HPRT1: variants seen among roughly 807,000 people sequenced by gnomAD.
The protein encoded by HPRT1 is hypoxanthine-guanine phosphoribosyltransferase.
A neutral mutation model predicts 19.0 loss-of-function variants in HPRT1; 4 were observed. The observed-to-expected ratio is 0.21, with a 90% confidence interval of 0.10 to 0.48. The LOEUF is 0.48. Among genes scored for constraint, HPRT1 ranks in the 20% least tolerant of loss-of-function variants. The probability of loss-of-function intolerance (pLI) is 0.98; values close to 1 mark genes in which losing one functional copy is unlikely to be tolerated. For missense variants in HPRT1, 65 were observed against 164.0 expected (o/e 0.40, Z 3.30); for synonymous variants, 53 against 54.9 (o/e 0.97, Z 0.15).
Position 134,493,502 on chromosome X carries a change from TG to T in HPRT1, c.403-5del, listed in dbSNP as rs752496213. ...TAAAGCTATGCAATGTCTTCTTTTT[TG>T]AAAGGATATAATTGACACTGGCAAA... On this transcript the variant is annotated splice_polypyrimidine_tract_variant and splice_region_variant and intron_variant, in intron 5 of 8. Transcript: ENST00000298556. 3 of 1,186,656 alleles carry T rather than the reference TG, an allele frequency of 2.5e-6. No homozygotes were observed. Among genetic ancestry groups the T allele is most frequent in the Non-Finnish European group, 3.4e-6 (3 of 872,743 alleles).
At chrX:134,472,324 A>T (rs1051134242) in intron 1 of HPRT1, among the ~76,000 whole-genome samples, 5 of 111,252 alleles carry the variant, frequency 4.5e-5, no homozygotes, top group African/African-American at 1.6e-4. Context: ...ACAGTGTGTT[A>T]AAACTTGTTT....
intron 1 of HPRT1, chrX:134,460,584 A>G (rs1350449145): frequency 4.5e-6 from 1 of 223,533 alleles, no homozygotes; most frequent in Non-Finnish European, 8.0e-6. Flanking sequence ...TGCGTGTGGG[A>G]AGAGAAGGTG....
chrX:134,489,839 G>A (rs1434965851), intron 4 of HPRT1, among the ~76,000 whole-genome samples: 1 of 111,707 alleles, frequency 9.0e-6, no homozygotes, highest in African/African-American at 3.3e-5. Context: ...AGAGTCAGGA[G>A]ACTATAAGAG....
At chrX:134,478,238 TAA>T (rs2077630702) in intron 3 of HPRT1, among the ~76,000 whole-genome samples, 1 of 111,954 alleles carries the variant, frequency 8.9e-6, no homozygotes, top group African/African-American at 3.2e-5. Flanking sequence ...CCAGAATATA[TAA>T]AGAAACATTA....
At chrX:134,469,239 G>A (rs2077604969) in intron 1 of HPRT1, among the ~76,000 whole-genome samples, 1 of 111,432 alleles carries the variant, frequency 9.0e-6, no homozygotes, top group Admixed American at 9.7e-5. Context: ...TTGTAACAAA[G>A]TTGTGAATTC....
intron 1 of HPRT1, among the ~76,000 whole-genome samples, chrX:134,469,246 A>T (rs1037971972): frequency 2.7e-5 from 3 of 111,696 alleles, no homozygotes; most frequent in African/African-American, 9.8e-5. Flanking sequence ...AAAGTTGTGA[A>T]TTCATACCTG....
intron 3 of HPRT1, 35 bp downstream of exon 3, chrX:134,475,399 C>A (rs1310580126): frequency 2.2e-6 from 2 of 914,504 alleles, no homozygotes; most frequent in Admixed American, 2.3e-5. Context: ...TTTTTAGTGG[C>A]AACAGTAGGT....
chrX:134,479,946 A>T (rs1049019232), intron 3 of HPRT1, among the ~76,000 whole-genome samples: 1 of 109,427 alleles, frequency 9.1e-6, no homozygotes, highest in South Asian at 3.8e-4. Flanking sequence ...ATTTTATTTT[A>T]TTTTTTTACC....
intron 1 of HPRT1, among the ~76,000 whole-genome samples, chrX:134,464,262 T>C (rs1197040083): frequency 8.9e-6 from 1 of 112,324 alleles, no homozygotes; most frequent in Non-Finnish European, 1.9e-5. Flanking sequence ...AAGACTGATA[T>C]GAAATTGGAA....
In HPRT1 at chrX:134,499,388, G is replaced by T. The variant is rs1247623512; in HGVS notation, c.610-642G>T. On this transcript the variant is annotated intron_variant, in intron 8 of 8. Coordinates refer to ENST00000298556, the MANE Select transcript of HPRT1 (RefSeq NM_000194.3). ...AGCTACCTGGGAGGCTGAGGCAGGAGAATCACTGGAACCCGGGAGGCAGAG... is the reference window on the plus strand; with the variant it reads ...AGCTACCTGGGAGGCTGAGGCAGGATAATCACTGGAACCCGGGAGGCAGAG... Among the ~76,000 whole-genome samples the T allele has an allele frequency of 8.1e-5, 9 of 111,536 alleles. No homozygotes were observed. The South Asian group carries it at 1.9e-3, about 23-fold the overall frequency.
intron 3 of HPRT1, among the ~76,000 whole-genome samples, chrX:134,479,395 G>A (rs766908415): frequency 1.9e-4 from 21 of 108,783 alleles, no homozygotes; most frequent in African/African-American, 6.7e-4. Context: ...TTGGCCCCCC[G>A]AGTAGCTGGG....
chrX:134,463,984 G>A (rs1360919368), intron 1 of HPRT1, among the ~76,000 whole-genome samples: 1 of 111,476 alleles, frequency 9.0e-6, no homozygotes, highest in African/African-American at 3.3e-5. Context: ...CTTCAGCATT[G>A]TGCTTCTGAT....
At chrX:134,490,994 C>T (rs1349557211) in intron 5 of HPRT1, among the ~76,000 whole-genome samples, 1 of 103,052 alleles carries the variant, frequency 9.7e-6, no homozygotes, top group African/African-American at 3.5e-5. Flanking sequence ...CTCTCTCTCT[C>T]TCTCTCTCTA....
chrX:134,467,828 C>T (rs781384508), intron 1 of HPRT1, among the ~76,000 whole-genome samples: 4 of 92,580 alleles, frequency 4.3e-5, no homozygotes, highest in African/African-American at 1.6e-4. Flanking sequence ...TTTTTTTAGA[C>T]GGAGTCTCGC....
chrX:134,482,305 T>C (rs886589146), intron 3 of HPRT1, among the ~76,000 whole-genome samples: 4 of 112,020 alleles, frequency 3.6e-5, no homozygotes, highest in South Asian at 3.7e-4. Context: ...TCCTCCCACC[T>C]CAGCCTCCCA....
Position 134,493,608 on chromosome X carries a change from A to C in HPRT1, c.485+18A>C. ...GTCGCAAGGTATGTATGACATTTTG[A>C]CACAGAATATTTTCCTCATTTGAAG... On this transcript the variant is annotated intron_variant, in intron 6 of 8. Coordinates refer to ENST00000298556, the MANE Select transcript of HPRT1 (RefSeq NM_000194.3). The C allele has an allele frequency of 9.3e-7, 1 of 1,077,611 alleles. No homozygotes were observed. The highest frequency in any genetic ancestry group is 1.3e-6 in the Non-Finnish European group (1 of 772,849). The allele number at this position is 1,077,611 out of a possible 1,213,427, so 88.8% of individuals were successfully genotyped here. A position where few individuals can be genotyped will look rare whatever the true frequency, so the allele number is the denominator to read the frequency against.
Position 134,484,931 on chromosome X carries a change from C to T in HPRT1, c.319-1534C>T, listed in dbSNP as rs751779320. Among the ~76,000 whole-genome samples the T allele has an allele frequency of 1.7e-4, 19 of 111,576 alleles. No individual in the cohort carries two copies. In the South Asian group the frequency reaches 3.8e-3, roughly 22 times the overall value. Reference sequence around the variant, plus strand: ...TCAAGCGATCGTCTTGCCTCTGCCTCCCTGGGATTACAGGCATGAAGCCAC... The same window carrying T: ...TCAAGCGATCGTCTTGCCTCTGCCTTCCTGGGATTACAGGCATGAAGCCAC... On this transcript the variant is annotated intron_variant, in intron 3 of 8. Transcript: ENST00000298556.
Position 134,475,385 on chromosome X carries a change from A to T in HPRT1, c.318+21A>T, listed in dbSNP as rs368790151. On this transcript the variant is annotated intron_variant, in intron 3 of 8. Transcript: ENST00000298556. ...ATTGTGTGAGTATATTTAATATATGATTCTTTTTAGTGGCAACAGTAGGTT... is the reference window on the plus strand; with the variant it reads ...ATTGTGTGAGTATATTTAATATATGTTTCTTTTTAGTGGCAACAGTAGGTT... 27 of 1,025,455 alleles carry T rather than the reference A, an allele frequency of 2.6e-5. No individual in the cohort carries two copies. The African/African-American group carries it at 4.1e-4, about 16-fold the overall frequency. 84.5% of individuals were successfully genotyped at this position (1,025,455 alleles called of 1,213,427 possible).
intron 3 of HPRT1, among the ~76,000 whole-genome samples, chrX:134,483,048 T>G (rs2077644096): frequency 9.1e-6 from 1 of 110,473 alleles, no homozygotes; most frequent in Non-Finnish European, 1.9e-5. Context: ...TCTAGGATCC[T>G]AAAAGAAGGG....
Sources: allele counts gnomAD v4.1 joint callset (sites outside exome capture counted in the v4.1 genomes callset), GRCh38; gene constraint gnomAD v4.1.1; transcripts MANE v1.5; gene names NCBI Gene and HGNC (gene_info 2026-07-23, HGNC 2026-07-21).